The following NTNG1 variants were observed in gnomAD, a reference collection of about 807,000 sequenced individuals.
The protein encoded by NTNG1 is netrin-G1.
In NTNG1, 16 loss-of-function variants were observed where a neutral mutation model predicts 54.0. The ratio of observed to expected loss-of-function variants is 0.30; its 90% confidence interval spans 0.20 to 0.45. NTNG1 has a LOEUF of 0.45. Ranked by LOEUF, NTNG1 falls within the 20% of genes least tolerant of loss-of-function variation. The pLI is 1.00. For synonymous variants in NTNG1, 255 were observed against 263.1 expected (o/e 0.97, Z 0.30); for missense variants, 530 against 678.7 (o/e 0.78, Z 2.43).
At chr1:107,335,619 T>C (rs1305512682) in intron 3 of NTNG1, among the ~76,000 whole-genome samples, 1 of 152,006 alleles carries the variant, frequency 6.6e-6, no homozygotes, top group Non-Finnish European at 1.5e-5. Context: ...AGTTGGCTAA[T>C]AGTGGTGGAA....
chr1:107,364,706 C>T (rs1201259764), intron 3 of NTNG1, among the ~76,000 whole-genome samples: 1 of 152,152 alleles, frequency 6.6e-6, no homozygotes, highest in African/African-American at 2.4e-5. Context: ...TGTTCTGTGC[C>T]AGGCAACATA....
chr1:107,294,337 A>AT (rs1665807341), intron 2 of NTNG1, among the ~76,000 whole-genome samples: 1 of 152,228 alleles, frequency 6.6e-6, no homozygotes, highest in African/African-American at 2.4e-5. Flanking sequence ...CATGGTATGA[A>AT]TAAGGCCAAA....
chr1:107,143,326 G>A (rs1255469529), intron 1 of NTNG1: 2 of 152,110 alleles, frequency 1.3e-5, no homozygotes, highest in African/African-American at 2.4e-5. Flanking sequence ...TTTTTAGGAG[G>A]AGGCAAATGT....
chr1:107,186,183 A>G (rs1445521650), intron 2 of NTNG1, among the ~76,000 whole-genome samples: 2 of 152,164 alleles, frequency 1.3e-5, no homozygotes, highest in Non-Finnish European at 2.9e-5. Flanking sequence ...GTGTTGCTCC[A>G]CAAGACATGA....
intron 1 of NTNG1, among the ~76,000 whole-genome samples, chr1:107,146,701 A>G (rs79989957): frequency 6.6e-6 from 1 of 152,034 alleles, no homozygotes; most frequent in African/African-American, 2.4e-5. Context: ...TTGCAGCTGT[A>G]TGATAACATT....
At position 107,480,699 on chromosome 1, in the gene NTNG1, G is replaced by A. The variant is rs375220736; in HGVS notation, c.1479G>A (p.Thr493=). 6.2e-7 allele frequency: 1 copy of A among 1,610,884 alleles called. No homozygotes were observed. Among genetic ancestry groups the A allele is most frequent in the Non-Finnish European group, 8.5e-7 (1 of 1,179,400 alleles). Residue 493 remains threonine (T), a synonymous_variant, in exon 8 of 8, where the codon ACG becomes ACA. Coordinates refer to ENST00000370068, the MANE Select transcript of NTNG1 (RefSeq NM_001113226.3). ...GCTGCCTGTGCCCGGCCGCATACAC[G>A]GGCATCCTCTGCGAGAAGCTGCGGT... is the stretch of plus-strand genomic sequence containing the variant. ...NVRCLCPAAY[T]GILCEKLRCE... is the part of the protein sequence containing the mutation.
chr1:107,393,146 C>T (rs1426905318), intron 3 of NTNG1, among the ~76,000 whole-genome samples: 2 of 152,154 alleles, frequency 1.3e-5, no homozygotes, highest in Non-Finnish European at 2.9e-5. Flanking sequence ...TTAACAGTTA[C>T]AAGATACATA....
At chr1:107,349,039 T>C (rs1445616006) in intron 3 of NTNG1, among the ~76,000 whole-genome samples, 3 of 152,198 alleles carry the variant, frequency 2.0e-5, no homozygotes, top group Non-Finnish European at 4.4e-5. Context: ...TGCCTCTCTC[T>C]GACTTCCTCT....
chr1:107,304,073 A>C (rs1296183452), intron 2 of NTNG1, among the ~76,000 whole-genome samples: 1 of 152,122 alleles, frequency 6.6e-6, no homozygotes, highest in African/African-American at 2.4e-5. Context: ...TTCTGCCTCA[A>C]CAGCCTATTA....
intron 7 of NTNG1, among the ~76,000 whole-genome samples, chr1:107,446,833 A>G (rs989356641): frequency 3.9e-5 from 6 of 152,086 alleles, no homozygotes; most frequent in South Asian, 2.1e-4. Context: ...TACCATAAAT[A>G]CAGAGTGATT....
In NTNG1 at chr1:107,239,273, T is replaced by G. The variant is rs116730917; in HGVS notation, c.247-85009T>G. 9.6e-3 allele frequency among the ~76,000 whole-genome samples: 1,459 copies of G among 152,256 alleles called. 19 individuals are homozygous for G. The highest frequency in any genetic ancestry group is 0.033 in the African/African-American group (1,355 of 41,552). ...ACTAGAAATATCTGATTTAGAAAAT[T>G]TAATGAATATTTTATACTTTGTCTC... On this transcript the variant is annotated intron_variant, in intron 2 of 7. Coordinates refer to ENST00000370068, the MANE Select transcript of NTNG1 (RefSeq NM_001113226.3).
chr1:107,437,379 T>C (rs1449009311), intron 7 of NTNG1, among the ~76,000 whole-genome samples: 8 of 152,210 alleles, frequency 5.3e-5, no homozygotes, highest in Admixed American at 5.2e-4. Context: ...TGCCATTTGG[T>C]TCAGCCTCAT....
intron 2 of NTNG1, among the ~76,000 whole-genome samples, chr1:107,198,002 A>G (rs956750160): frequency 2.0e-5 from 3 of 151,972 alleles, no homozygotes; most frequent in Non-Finnish European, 4.4e-5. Context: ...TTGAGGTGCA[A>G]TGTCAAAGGT....
intron 7 of NTNG1, among the ~76,000 whole-genome samples, chr1:107,462,479 A>G (rs1031551624): frequency 3.9e-5 from 6 of 152,236 alleles, no homozygotes. Context: ...AAGCACTTGG[A>G]AAAATGCCTG....
At chr1:107,258,926 A>C (rs1663116763) in intron 2 of NTNG1, among the ~76,000 whole-genome samples, 1 of 152,224 alleles carries the variant, frequency 6.6e-6, no homozygotes, top group Admixed American at 6.5e-5. Context: ...AAAAAAAAGT[A>C]AGATTAGAGA....
intron 2 of NTNG1, among the ~76,000 whole-genome samples, chr1:107,191,714 GT>G (rs1379800246): frequency 2.7e-5 from 4 of 150,860 alleles, no homozygotes; most frequent in African/African-American, 7.4e-5. Flanking sequence ...TTTTTCTCAG[GT>G]TTGTCAAAGA....
intron 4 of NTNG1, among the ~76,000 whole-genome samples, chr1:107,398,957 T>C (rs1482091781): frequency 6.6e-6 from 1 of 152,154 alleles, no homozygotes; most frequent in Non-Finnish European, 1.5e-5. Flanking sequence ...GAATAACACA[T>C]GTTTTTCTAT....
chr1:107,422,274 G>T (rs2101251891), intron 5 of NTNG1, among the ~76,000 whole-genome samples: 1 of 152,226 alleles, frequency 6.6e-6, no homozygotes, highest in East Asian at 1.9e-4. Context: ...TGGGTATGTG[G>T]TGTGTCATAT....
At chr1:107,170,454 T>C (rs1656137231) in intron 2 of NTNG1, among the ~76,000 whole-genome samples, 1 of 152,128 alleles carries the variant, frequency 6.6e-6, no homozygotes, top group African/African-American at 2.4e-5. Context: ...CTGTTCAAAA[T>C]TGATTAGCAG....
Sources: allele counts gnomAD v4.1 joint callset (sites outside exome capture counted in the v4.1 genomes callset), GRCh38; gene constraint gnomAD v4.1.1; transcripts MANE v1.5; gene names NCBI Gene and HGNC (gene_info 2026-07-23, HGNC 2026-07-21).